The following FGF12 variants were observed in gnomAD, a reference collection of about 807,000 sequenced individuals.
FGF12 encodes fibroblast growth factor 12B.
A neutral mutation model predicts 23.6 loss-of-function variants in FGF12; 14 were observed. That is an observed-to-expected ratio of 0.59 (90% confidence interval 0.39 to 0.93). The LOEUF is 0.93. Ranked by LOEUF, FGF12 falls within the 40% of genes least tolerant of loss-of-function variation. The pLI is 0.00. For missense variants in FGF12, 175 were observed against 217.8 expected (o/e 0.80, Z 1.24); for synonymous variants, 62 against 77.3 (o/e 0.80, Z 1.04).
Position 192,718,783 on chromosome 3 carries a change from A to G in FGF12, c.13+8398T>C, listed in dbSNP as rs138222500. ...ATTCCTCAATAAAGTTATAAATCCA[A>G]CAACTTCAGTTGCACAATTCACAGC... On this transcript the variant is annotated intron_variant, in intron 2 of 5. Coordinates refer to ENST00000445105, the MANE Select transcript of FGF12 (RefSeq NM_004113.6). 9.9e-5 allele frequency among the ~76,000 whole-genome samples: 15 copies of G among 152,270 alleles called. 1 individual carries two copies. The South Asian group carries it at 2.7e-3, about 27-fold the overall frequency.
intron 4 of FGF12, among the ~76,000 whole-genome samples, chr3:192,210,616 T>C (rs1350974161): frequency 1.3e-5 from 2 of 152,202 alleles, no homozygotes; most frequent in African/African-American, 4.8e-5. Context: ...TAAATGACAA[T>C]TGCAGCACTT....
chr3:192,613,797 T>C (rs147588618), intron 2 of FGF12, among the ~76,000 whole-genome samples: 2 of 152,050 alleles, frequency 1.3e-5, no homozygotes, highest in East Asian at 3.9e-4. Flanking sequence ...ATTAGTAAAA[T>C]TCCAACCCTG....
At chr3:192,342,044 T>C (rs1033234048) in intron 3 of FGF12, among the ~76,000 whole-genome samples, 1 of 152,192 alleles carries the variant, frequency 6.6e-6, no homozygotes, top group African/African-American at 2.4e-5. Context: ...AGTTGTGGTC[T>C]CTAGTGAAAA....
chr3:192,173,769 AT>A (rs1236855318), intron 4 of FGF12, among the ~76,000 whole-genome samples: 1 of 152,204 alleles, frequency 6.6e-6, no homozygotes. Flanking sequence ...TAGGAAAAAA[AT>A]AATTCCTGTT....
chr3:192,646,003 C>T (rs1041513728), intron 2 of FGF12, among the ~76,000 whole-genome samples: 9 of 151,814 alleles, frequency 5.9e-5, no homozygotes, highest in Admixed American at 1.3e-4. Context: ...TAAACTGAAA[C>T]GAAAGCCTGA....
chr3:192,158,630 CTGT>C (rs1714664386), intron 5 of FGF12, among the ~76,000 whole-genome samples: 1 of 113,414 alleles, frequency 8.8e-6, no homozygotes, highest in African/African-American at 3.7e-5. Context: ...TTCTTTCTCT[CTGT>C]TTTTTCCCTC....
At chr3:192,493,841 AC>A (rs1189580582) in intron 2 of FGF12, among the ~76,000 whole-genome samples, 1 of 152,146 alleles carries the variant, frequency 6.6e-6, no homozygotes, top group Non-Finnish European at 1.5e-5. Context: ...ATCACCTCCC[AC>A]CAGGCCCCAC....
chr3:192,163,507 C>A (rs182442997), intron 5 of FGF12, among the ~76,000 whole-genome samples: 178 of 152,200 alleles, frequency 1.2e-3, no homozygotes, highest in African/African-American at 4.2e-3. Context: ...TTTAAATCAT[C>A]CATGGCCAGA....
intron 2 of FGF12, among the ~76,000 whole-genome samples, chr3:192,623,929 C>T (rs1331436339): frequency 6.6e-6 from 1 of 152,052 alleles, no homozygotes; most frequent in East Asian, 1.9e-4. Context: ...GTTTATGGAG[C>T]CTCCAAAAAC....
intron 3 of FGF12, among the ~76,000 whole-genome samples, chr3:192,340,886 C>CATTG (rs1475196771): frequency 2.0e-5 from 3 of 152,236 alleles, no homozygotes; most frequent in African/African-American, 7.2e-5. Flanking sequence ...AAAAAGTCAA[C>CATTG]ATTGGCCTTA....
intron 2 of FGF12, among the ~76,000 whole-genome samples, chr3:192,406,798 C>T (rs1720973880): frequency 6.6e-6 from 1 of 152,134 alleles, no homozygotes; most frequent in African/African-American, 2.4e-5. Flanking sequence ...TAATTCTGAG[C>T]CCGACTTGTC....
At chr3:192,463,614 G>A (rs116184436) in intron 2 of FGF12, among the ~76,000 whole-genome samples, 20 of 152,166 alleles carry the variant, frequency 1.3e-4, no homozygotes, top group African/African-American at 4.6e-4. Flanking sequence ...CGTGCGTTTT[G>A]ATTCCCAAAA....
At chr3:192,341,746 C>G (rs1717701548) in intron 3 of FGF12, among the ~76,000 whole-genome samples, 1 of 151,860 alleles carries the variant, frequency 6.6e-6, no homozygotes, top group Non-Finnish European at 1.5e-5. Context: ...TTTCAGGCAT[C>G]CTGCTAGGTA....
At chr3:192,511,211 G>T (rs1487578087) in intron 2 of FGF12, among the ~76,000 whole-genome samples, 9 of 131,280 alleles carry the variant, frequency 6.9e-5, no homozygotes, top group Non-Finnish European at 1.6e-5. Flanking sequence ...AAGCAAGGAA[G>T]CAATTGTGTG....
intron 2 of FGF12, among the ~76,000 whole-genome samples, chr3:192,677,338 G>A (rs1459693019): frequency 1.3e-5 from 2 of 152,118 alleles, no homozygotes; most frequent in Non-Finnish European, 2.9e-5. Flanking sequence ...CCCTATTCCT[G>A]ATCTCACCTA....
intron 5 of FGF12, among the ~76,000 whole-genome samples, chr3:192,161,802 T>C (rs1267427641): frequency 6.6e-6 from 1 of 152,112 alleles, no homozygotes; most frequent in Non-Finnish European, 1.5e-5. Flanking sequence ...TGCTACTAAT[T>C]ATCACTTTAT....
intron 2 of FGF12, among the ~76,000 whole-genome samples, chr3:192,542,285 T>C (rs1285021897): frequency 6.6e-6 from 1 of 152,222 alleles, no homozygotes; most frequent in African/African-American, 2.4e-5. Flanking sequence ...TAAGAGACTC[T>C]GATGCATTCT....
At chr3:192,539,030 T>C (rs188464510) in intron 2 of FGF12, among the ~76,000 whole-genome samples, 7 of 152,280 alleles carry the variant, frequency 4.6e-5, no homozygotes, top group African/African-American at 1.4e-4. Flanking sequence ...TCAATTTGAA[T>C]AATTTTGGGT....
chr3:192,617,316 A>C (rs746778935), intron 2 of FGF12, among the ~76,000 whole-genome samples: 5 of 152,076 alleles, frequency 3.3e-5, no homozygotes, highest in African/African-American at 7.2e-5. Context: ...ATCCCTCAGA[A>C]GGAAAGTGGG....
Sources: gnomAD v4.1 joint callset for allele counts (sites outside exome capture counted in the v4.1 genomes callset) on GRCh38, gnomAD v4.1.1 for gene constraint, MANE v1.5 for transcripts, NCBI Gene and HGNC (gene_info 2026-07-23, HGNC 2026-07-21) for gene names.